FMN2: variants seen among roughly 807,000 people sequenced by gnomAD.
The protein encoded by FMN2 is formin 2, also known as formin-2.
FMN2 carries 51 observed loss-of-function variants against 142.3 expected under a neutral mutation model. The ratio of observed to expected loss-of-function variants is 0.36; its 90% CI spans 0.29 to 0.45. FMN2 has a LOEUF of 0.45. Ranked by LOEUF, FMN2 falls within the 20% of genes least tolerant of loss-of-function variation. FMN2 has a pLI of 1.00. For missense variants in FMN2, 1,936 were observed against 2,122.8 expected (o/e 0.91, Z 1.73); for synonymous variants, 882 against 869.8 (o/e 1.01, Z -0.25).
chr1:240,142,887 T>C (rs1180646607), intron 2 of FMN2: 2 of 1,603,844 alleles, frequency 1.2e-6, no homozygotes, highest in Non-Finnish European at 1.7e-6. Flanking sequence ...TGGCCTCAGC[T>C]CCTCATCAAA....
chr1:240,323,016 C>T (rs764617620), intron 8 of FMN2, among the ~76,000 whole-genome samples: 24 of 152,058 alleles, frequency 1.6e-4, no homozygotes, highest in Non-Finnish European at 2.9e-4. Context: ...CTTTATTTTC[C>T]GTGGCTGGTT....
At chr1:240,369,019 A>T (rs969426674) in intron 14 of FMN2, among the ~76,000 whole-genome samples, 3 of 151,600 alleles carry the variant, frequency 2.0e-5, no homozygotes, top group Admixed American at 6.6e-5. Context: ...ATATTTTATC[A>T]TTTCACATAG....
intron 2 of FMN2, chr1:240,142,616 A>C: frequency 6.6e-7 from 1 of 1,523,668 alleles, no homozygotes; most frequent in Non-Finnish European, 9.0e-7. Context: ...TGGCAGCAGG[A>C]TGCATGGCCC....
intron 14 of FMN2, among the ~76,000 whole-genome samples, chr1:240,377,630 GT>G (rs1210977313): frequency 6.6e-6 from 1 of 151,990 alleles, no homozygotes; most frequent in Non-Finnish European, 1.5e-5. Flanking sequence ...GCCATGGCTG[GT>G]TGAGGTTTTC....
intron 14 of FMN2, among the ~76,000 whole-genome samples, chr1:240,391,204 A>T (rs2103096406): frequency 6.6e-6 from 1 of 152,338 alleles, no homozygotes; most frequent in East Asian, 1.9e-4. Flanking sequence ...GAAAGAAAAA[A>T]GTATCTGCTG....
intron 16 of FMN2, among the ~76,000 whole-genome samples, chr1:240,455,212 A>G (rs1317648775): frequency 6.6e-6 from 1 of 151,488 alleles, no homozygotes; most frequent in Non-Finnish European, 1.5e-5. Flanking sequence ...TCCATATAAG[A>G]TATACTTTAC....
At chr1:240,357,809 CTG>C (rs2103049482) in intron 14 of FMN2, among the ~76,000 whole-genome samples, 1 of 152,124 alleles carries the variant, frequency 6.6e-6, no homozygotes, top group East Asian at 1.9e-4. Context: ...GGTTTTCACT[CTG>C]TTGGCCAGGC....
intron 15 of FMN2, 130 bp from the exon 16 acceptor site, chr1:240,437,931 T>A: frequency 8.7e-7 from 1 of 1,152,764 alleles, no homozygotes; most frequent in Non-Finnish European, 1.2e-6. Flanking sequence ...CTGTTGGTGC[T>A]TGAAGAGCTT....
chr1:240,207,705 C>A lies in FMN2; in HGVS notation c.2893C>A (p.Pro965Thr), dbSNP rs566178478. The A allele has an allele frequency of 3.2e-5, 46 of 1,436,892 alleles. No homozygotes were observed. In the Admixed American group the frequency reaches 4.7e-4, roughly 15 times the overall value. 89.0% of individuals were successfully genotyped at this position (1,436,892 alleles called of 1,614,324 possible). Residue 965 changes from proline (P) to threonine (T), a missense_variant, in exon 5 of 18, where the codon CCC (proline) becomes ACC (threonine). By Grantham distance (38) the Pro-to-Thr change is conservative. Around this residue, in one of 8 missense-constraint regions of FMN2, gnomAD observed 63 missense variants for 86.3 expected, o/e 0.73. Transcript: ENST00000319653. ...PPPPLPGAGI[P>T]LPPPLPGAGI... ...GCCCCCTCTTCCCGGGGCAGGCATA[C>A]CCCTTCCTCCCCCTCTTCCCGGAGC...
chr1:240,413,596 G>A (rs1035364384), intron 15 of FMN2, among the ~76,000 whole-genome samples: 1 of 152,092 alleles, frequency 6.6e-6, no homozygotes, highest in African/African-American at 2.4e-5. Flanking sequence ...GAGAATATGA[G>A]TACACACAGT....
chr1:240,131,434 C>T (rs1294338824), intron 2 of FMN2, among the ~76,000 whole-genome samples: 1 of 151,904 alleles, frequency 6.6e-6, no homozygotes, highest in Non-Finnish European at 1.5e-5. Flanking sequence ...AGGTCGGGTG[C>T]GGTGGCTCAC....
chr1:240,203,500 C>G (rs1261482381), intron 4 of FMN2, among the ~76,000 whole-genome samples: 1 of 152,174 alleles, frequency 6.6e-6, no homozygotes, highest in African/African-American at 2.4e-5. Context: ...GCGATCATGT[C>G]CTTTGCAGCG....
intron 6 of FMN2, among the ~76,000 whole-genome samples, chr1:240,240,414 CATA>C (rs770275696): frequency 2.6e-5 from 4 of 152,192 alleles, no homozygotes; most frequent in African/African-American, 4.8e-5. Context: ...CTTGCTACAA[CATA>C]ATAATAAATA....
intron 7 of FMN2, among the ~76,000 whole-genome samples, chr1:240,294,175 A>G (rs1166529456): frequency 6.6e-6 from 1 of 152,078 alleles, no homozygotes. Flanking sequence ...TACAATACAA[A>G]TTTCCCCAGG....
intron 15 of FMN2, among the ~76,000 whole-genome samples, chr1:240,416,085 T>C (rs12074388): frequency 0.014 from 2,112 of 152,188 alleles, 54 homozygotes; most frequent in African/African-American, 0.049. Context: ...TCAGTCTCCT[T>C]TTCTACCACC....
intron 14 of FMN2, among the ~76,000 whole-genome samples, chr1:240,366,591 G>A (rs1039387423): frequency 5.3e-5 from 8 of 150,112 alleles, no homozygotes; most frequent in Admixed American, 1.3e-4. Context: ...CCAGGTTGGA[G>A]TACAATGGCA....
At chr1:240,426,257 G>C (rs1403519845) in intron 15 of FMN2, among the ~76,000 whole-genome samples, 1 of 151,946 alleles carries the variant, frequency 6.6e-6, no homozygotes, top group Non-Finnish European at 1.5e-5. Context: ...CAGATGAGAA[G>C]TTGAAAAGAA....
rs1666554220 is a variant in FMN2 at position 240,208,683 on chromosome 1, C to T, written c.3871C>T (p.Arg1291Ter). The change falls in exon 5 of 18, where the codon CGA (arginine) becomes TGA (stop). Residue 1291 changes from arginine (R) to a stop codon, truncating the protein, a stop_gained. Transcript: ENST00000319653. LOFTEE classifies it high-confidence loss of function. ...TAGGAAGCAGCCCATAGAGCCTTGT[C>T]GACCAATGAAGCCTCTTTACTGGAC... is the stretch of plus-strand genomic sequence containing the variant. ...GSRKQPIEPC[R>*]PMKPLYWTRI... The T allele has an allele frequency of 1.9e-6, 3 of 1,613,724 alleles. No individual in the cohort carries two copies. The highest frequency in any genetic ancestry group is 1.1e-5 in the South Asian group (1 of 91,076).
intron 2 of FMN2, among the ~76,000 whole-genome samples, chr1:240,174,042 A>ACTCCAGCCCTGCTTCT (rs1271802640): frequency 1.2e-4 from 18 of 152,068 alleles, no homozygotes; most frequent in African/African-American, 4.1e-4. Flanking sequence ...CCTCTCAGTC[A>ACTCCAGCCCTGCTTCT]CTCCAGCCCT....
Sources: allele counts gnomAD v4.1 joint callset (sites outside exome capture counted in the v4.1 genomes callset), GRCh38; gene constraint gnomAD v4.1.1; regional missense constraint gnomAD v4.1.1; transcripts MANE v1.5; gene names NCBI Gene and HGNC (gene_info 2026-07-23, HGNC 2026-07-21).